The following RRP36 variants were observed in gnomAD, a reference collection of about 807,000 sequenced individuals.
RRP36 encodes the protein ribosomal RNA processing 36.
A neutral mutation model predicts 39.8 loss-of-function variants in RRP36; 44 were observed. The ratio of observed to expected loss-of-function variants is 1.10; its 90% CI spans 0.87 to 1.42. RRP36 has a LOEUF of 1.42. RRP36 is among the 40% of genes most tolerant of loss of function. The pLI, the probability that RRP36 is intolerant of heterozygous loss-of-function variation, is 0.00. For synonymous variants in RRP36, 124 were observed against 123.1 expected (o/e 1.01, Z -0.05); for missense variants, 316 against 322.4 (o/e 0.98, Z 0.15).
intron 3 of RRP36, among the ~76,000 whole-genome samples, 188 bp from the exon 4 acceptor site, chr6:43,025,849 T>C (rs763243259): frequency 2.0e-5 from 3 of 151,448 alleles, no homozygotes; most frequent in African/African-American, 7.3e-5. Flanking sequence ...AGGAGAATGG[T>C]GTGAACTTGG....
chr6:43,025,138 CA>C lies in RRP36; in HGVS notation c.278+8del, dbSNP rs776212132. ...TGTGTTGCAGATAAGCACAGGTAAG[CA>C]AGGCTTGCCCTAGAAGTTGGAAGAT... On this transcript the variant is annotated splice_region_variant and intron_variant, in intron 2 of 6. Coordinates refer to ENST00000244496, the MANE Select transcript of RRP36 (RefSeq NM_033112.4). 2.5e-6 allele frequency: 4 copies of C among 1,614,008 alleles called. No homozygotes were observed. The East Asian group carries it at 8.9e-5, about 36-fold the overall frequency.
In RRP36 at chr6:43,021,977, T is replaced by C. The variant is rs562500774; in HGVS notation, c.130+193T>C. ...CGGGATTAGGACATCCTGAGAAGTT[T>C]CTTCACGGCAGGATGAGGGTTTTCG... On this transcript the variant is annotated intron_variant, in intron 1 of 6. Transcript: ENST00000244496. 4.6e-5 allele frequency among the ~76,000 whole-genome samples: 7 copies of C among 152,342 alleles called. No homozygotes were observed. The South Asian group carries it at 1.4e-3, about 32-fold the overall frequency.
chr6:43,026,322 C>T (rs1295135244), intron 4 of RRP36, among the ~76,000 whole-genome samples, 181 bp downstream of exon 4: 1 of 152,120 alleles, frequency 6.6e-6, no homozygotes, highest in Non-Finnish European at 1.5e-5. Flanking sequence ...TGGCATGTTA[C>T]TTAATCTCTC....
chr6:43,022,696 G>C (rs190436171), intron 1 of RRP36, among the ~76,000 whole-genome samples: 1 of 146,174 alleles, frequency 6.8e-6, no homozygotes, highest in Non-Finnish European at 1.5e-5. Context: ...GCAGTAGCGC[G>C]ATCTCAGCTC....
chr6:43,026,790 G>C (rs1425362994), intron 4 of RRP36, among the ~76,000 whole-genome samples: 2 of 151,924 alleles, frequency 1.3e-5, no homozygotes, highest in East Asian at 1.9e-4. Flanking sequence ...GGATCACGAG[G>C]TCAGGAGATT....
chr6:43,024,500 T>A (rs1269442213), intron 1 of RRP36, among the ~76,000 whole-genome samples: 5 of 152,038 alleles, frequency 3.3e-5, no homozygotes, highest in Non-Finnish European at 7.4e-5. Flanking sequence ...TGTGTGGGAG[T>A]GATAAGATCT....
intron 6 of RRP36, among the ~76,000 whole-genome samples, chr6:43,028,413 GC>G (rs1762856072): frequency 6.6e-6 from 1 of 152,054 alleles, no homozygotes; most frequent in Admixed American, 6.6e-5. Context: ...ACTTTGGGAG[GC>G]CAAGGAGGGC....
intron 6 of RRP36, among the ~76,000 whole-genome samples, chr6:43,028,453 G>T (rs932752030): frequency 5.9e-5 from 9 of 151,758 alleles, no homozygotes; most frequent in Non-Finnish European, 8.8e-5. Context: ...TTCAAGACCA[G>T]CCTGGCAAAC....
intron 4 of RRP36, among the ~76,000 whole-genome samples, chr6:43,026,677 AAC>A (rs147069513): frequency 0.15 from 23,052 of 151,100 alleles, 2,102 homozygotes; most frequent in South Asian, 0.23. Context: ...TCTCCAAACA[AAC>A]AGTTACTGTC....
At chr6:43,023,399 AAAAT>A (rs1173724813) in intron 1 of RRP36, among the ~76,000 whole-genome samples, 1 of 152,038 alleles carries the variant, frequency 6.6e-6, no homozygotes, top group African/African-American at 2.4e-5. Flanking sequence ...ACCTTTTTTC[AAAAT>A]AAATAAAATT....
At chr6:43,022,694 G>C (rs895367404) in intron 1 of RRP36, among the ~76,000 whole-genome samples, 55 of 145,102 alleles carry the variant, frequency 3.8e-4, no homozygotes, top group Admixed American at 3.0e-3. Context: ...GTGCAGTAGC[G>C]CGATCTCAGC....
chr6:43,022,922 C>T (rs1165319375), intron 1 of RRP36, among the ~76,000 whole-genome samples: 1 of 152,040 alleles, frequency 6.6e-6, no homozygotes, highest in African/African-American at 2.4e-5. Context: ...TGAGCCACCT[C>T]GCCCAGCCAG....
intron 6 of RRP36, among the ~76,000 whole-genome samples, 192 bp downstream of exon 6, chr6:43,027,669 G>T (rs1762838792): frequency 6.7e-6 from 1 of 149,098 alleles, no homozygotes; most frequent in Admixed American, 6.8e-5. Context: ...ATCATGGCAG[G>T]CATTGTCACC....
intron 4 of RRP36, 116 bp from the exon 5 acceptor site, chr6:43,027,062 T>C: frequency 1.1e-6 from 1 of 881,254 alleles, no homozygotes. Flanking sequence ...AGACTGCATC[T>C]CAAAAAAAAA....
chr6:43,023,337 T>TGCAGTGA lies in RRP36; in HGVS notation c.130+1561_130+1567dup, dbSNP rs201088949. On this transcript the variant is annotated intron_variant, in intron 1 of 6. Transcript: ENST00000244496. ...TAGTTTGAGCCCAGGAGGTCGAGGC[T>TGCAGTGA]GCAGTGAGCAGTGATTAGGCCACTG... Among the ~76,000 whole-genome samples the TGCAGTGA allele has an allele frequency of 9.0e-3, 1,373 of 152,238 alleles. 25 individuals carry two copies. The highest frequency in any genetic ancestry group is 0.031 in the African/African-American group (1,305 of 41,524).
chr6:43,027,090 G>GT (rs1265787800), intron 4 of RRP36, 88 bp from the exon 5 acceptor site: 3 of 1,162,750 alleles, frequency 2.6e-6, no homozygotes, highest in Non-Finnish European at 3.8e-6. Context: ...GTGTGTATGT[G>GT]TGTGAACTTC....
chr6:43,022,888 C>T (rs1157374720), intron 1 of RRP36, among the ~76,000 whole-genome samples: 7 of 152,104 alleles, frequency 4.6e-5, no homozygotes, highest in Non-Finnish European at 1.5e-5. Context: ...GCCTCGGCCT[C>T]CCAAAGTGCT....
intron 1 of RRP36, 22 bp downstream of exon 1, chr6:43,021,806 G>A: frequency 1.7e-6 from 2 of 1,200,530 alleles, no homozygotes; most frequent in Non-Finnish European, 2.1e-6. Flanking sequence ...GGGCAGGGCG[G>A]GCTGGGGAGG....
chr6:43,022,831 C>T (rs1287621143), intron 1 of RRP36, among the ~76,000 whole-genome samples: 1 of 151,822 alleles, frequency 6.6e-6, no homozygotes, highest in Non-Finnish European at 1.5e-5. Flanking sequence ...TGGGGTTTCA[C>T]CGTGTTAGCC....
Sources: gnomAD v4.1 joint callset for allele counts (sites outside exome capture counted in the v4.1 genomes callset) on GRCh38, gnomAD v4.1.1 for gene constraint, MANE v1.5 for transcripts, NCBI Gene and HGNC (gene_info 2026-07-23, HGNC 2026-07-21) for gene names.